Variants in UTS2 observed in about 807,000 individuals in gnomAD.
UTS2 encodes urotensin 2.
In UTS2, 10 loss-of-function variants were observed where a neutral mutation model predicts 12.6. The ratio of observed to expected loss-of-function variants is 0.80; its 90% CI spans 0.49 to 1.35. The LOEUF (loss-of-function observed/expected upper bound fraction) is 1.35. Ranked by LOEUF, UTS2 falls within the 40% of genes most tolerant of loss-of-function variation. UTS2 has a pLI of 0.00. For missense variants in UTS2, 142 were observed against 143.2 expected (o/e 0.99, Z 0.04); for synonymous variants, 52 against 50.0 (o/e 1.04, Z -0.17).
chr1:7,910,519 T>C, the UTS2 span, among the ~76,000 whole-genome samples: 46 of 152,314 alleles, frequency 3.0e-4, no homozygotes, highest in South Asian at 5.4e-3. Flanking sequence ...TGGCTGTCCA[T>C]ACTCTGTTGA....
the UTS2 span, among the ~76,000 whole-genome samples, chr1:7,876,602 C>T: frequency 6.6e-6 from 1 of 152,208 alleles, no homozygotes; most frequent in Admixed American, 6.5e-5. Flanking sequence ...CCACTGGTAT[C>T]CTTATACACC....
At chr1:7,858,408 G>T (rs1011657281), upstream of UTS2, among the ~76,000 whole-genome samples, 12 of 152,294 alleles carry the variant, frequency 7.9e-5, no homozygotes, top group African/African-American at 2.9e-4. Context: ...GTGTCATAAA[G>T]AAGTAAACCA....
chr1:7,852,417 G>C (rs1004675912), intron 1 of UTS2, among the ~76,000 whole-genome samples: 2 of 152,052 alleles, frequency 1.3e-5, no homozygotes, highest in African/African-American at 4.8e-5. Context: ...TAGTTCCCTA[G>C]TTTGTCATTT....
the UTS2 span, among the ~76,000 whole-genome samples, chr1:7,887,995 C>T: frequency 5.9e-5 from 9 of 152,238 alleles, no homozygotes; most frequent in Non-Finnish European, 1.2e-4. Flanking sequence ...AAAGATGTTA[C>T]GGGTCTTGGC....
chr1:7,886,762 A>C, the UTS2 span, among the ~76,000 whole-genome samples: 2 of 152,086 alleles, frequency 1.3e-5, no homozygotes, highest in African/African-American at 4.8e-5. Flanking sequence ...AGAGGGGGAA[A>C]AAAAGCTCGG....
chr1:7,890,969 C>CCCCA, the UTS2 span, among the ~76,000 whole-genome samples: 7 of 44,238 alleles, frequency 1.6e-4, 1 homozygote, highest in South Asian at 9.1e-4. Flanking sequence ...TACCCTCCAC[C>CCCCA]CCCCCCCACA....
chr1:7,875,908 G>A, the UTS2 span, among the ~76,000 whole-genome samples: 5 of 152,116 alleles, frequency 3.3e-5, no homozygotes, highest in Admixed American at 6.5e-5. Context: ...CCCACCCATC[G>A]CTGGCACCCA....
In UTS2 at chr1:7,852,884, G is replaced by GAA; in HGVS notation, c.103+15_103+16dup. On this transcript the variant is annotated intron_variant, in intron 1 of 3. Coordinates refer to ENST00000361696, the MANE Select transcript of UTS2 (RefSeq NM_006786.4). ...GGCTCTTTCAAGACTAACATAAGGG[G>GAA]AAAAAAAAAATCTTACCTGAGAGTT... 3 of 1,516,934 alleles carry GAA rather than the reference G, an allele frequency of 2.0e-6. No individual in the cohort carries two copies. The highest frequency in any genetic ancestry group is 2.5e-5 in the South Asian group (2 of 81,242). The allele number at this position is 1,516,934 out of a possible 1,614,324, so 94.0% of individuals were successfully genotyped here.
chr1:7,902,201 C>CTCT, the UTS2 span, among the ~76,000 whole-genome samples: 3 of 151,712 alleles, frequency 2.0e-5, no homozygotes, highest in South Asian at 2.1e-4. Context: ...TCTCTGCCCC[C>CTCT]GGGTGAGGGT....
Position 7,847,679 on chromosome 1 carries a change from C to T in UTS2, c.*87G>A. ...AGGGTGTAGTTTGCCTAGTTTTTCT[C>T]CACACTGTTTTCAAATCAAGCATTG... is the stretch of plus-strand genomic sequence containing the variant. On this transcript the variant is annotated 3_prime_UTR_variant, in exon 4 of 4. Transcript: ENST00000361696. The T allele has an allele frequency of 5.5e-6, 6 of 1,096,126 alleles. No homozygotes were observed. Among genetic ancestry groups the T allele is most frequent in the Non-Finnish European group, 8.1e-6 (6 of 737,246 alleles). 67.9% of individuals were successfully genotyped at this position (1,096,126 alleles called of 1,614,324 possible).
At chr1:7,874,947 G>A in the UTS2 span, among the ~76,000 whole-genome samples, 40 of 152,094 alleles carry the variant, frequency 2.6e-4, no homozygotes, top group Non-Finnish European at 4.9e-4. Flanking sequence ...TTTGCCTTCC[G>A]CCATGACTGT....
At chr1:7,878,736 G>A in the UTS2 span, among the ~76,000 whole-genome samples, 23 of 152,030 alleles carry the variant, frequency 1.5e-4, no homozygotes, top group East Asian at 4.1e-3. Flanking sequence ...TTGGCTGAGT[G>A]TATGAAAAAA....
the UTS2 span, among the ~76,000 whole-genome samples, chr1:7,884,611 C>A: frequency 6.6e-6 from 1 of 152,178 alleles, no homozygotes; most frequent in African/African-American, 2.4e-5. Flanking sequence ...ACCCAGCCAA[C>A]ATCTGATCTT....
chr1:7,885,012 T>TCATC, the UTS2 span, among the ~76,000 whole-genome samples: 2 of 133,954 alleles, frequency 1.5e-5, no homozygotes. Context: ...ATCCATCCAC[T>TCATC]CATCCATCCA....
chr1:7,878,183 G>A, the UTS2 span, among the ~76,000 whole-genome samples: 62 of 152,288 alleles, frequency 4.1e-4, no homozygotes, highest in Non-Finnish European at 4.4e-5. Flanking sequence ...ACCCAGGAAA[G>A]CTATCCTTGA....
the UTS2 span, among the ~76,000 whole-genome samples, chr1:7,899,976 A>G: frequency 8.5e-4 from 129 of 152,342 alleles, 4 homozygotes; most frequent in East Asian, 0.024. Flanking sequence ...AGAGACAGCA[A>G]TCGCAGAGAG....
the UTS2 span, among the ~76,000 whole-genome samples, chr1:7,875,067 T>C: frequency 6.7e-6 from 1 of 150,030 alleles, no homozygotes; most frequent in East Asian, 1.9e-4. Context: ...TTTTTTTTTC[T>C]TTTTTCTTTT....
At chr1:7,896,513 A>G in the UTS2 span, among the ~76,000 whole-genome samples, 10,524 of 152,154 alleles carry the variant, frequency 0.069, 1,226 homozygotes, top group African/African-American at 0.24. Flanking sequence ...AATGTTCCTG[A>G]GGAAGTCTTT....
At chr1:7,862,938 C>T in the UTS2 span, among the ~76,000 whole-genome samples, 12 of 151,996 alleles carry the variant, frequency 7.9e-5, no homozygotes, top group East Asian at 1.9e-3. Flanking sequence ...AATAAGTAGG[C>T]GATAACGTTT....
Sources: gnomAD v4.1 joint callset for allele counts (sites outside exome capture counted in the v4.1 genomes callset) on GRCh38, gnomAD v4.1.1 for gene constraint, MANE v1.5 for transcripts, NCBI Gene and HGNC (gene_info 2026-07-23, HGNC 2026-07-21) for gene names.